The following ANKRD34B variants were observed in gnomAD, a reference collection of about 807,000 sequenced individuals.
ANKRD34B encodes ankyrin repeat domain 34B, also known as ankyrin repeat domain-containing protein 34B.
ANKRD34B carries 2 observed loss-of-function variants against 4.4 expected under a neutral mutation model. That is an observed-to-expected ratio of 0.46 (90% CI 0.19 to 1.44). The LOEUF (loss-of-function observed/expected upper bound fraction) is 1.44. Among genes scored for constraint, ANKRD34B ranks in the 40% most tolerant of loss-of-function variants. The pLI is 0.26. For missense variants in ANKRD34B, 558 were observed against 604.7 expected (o/e 0.92, Z 0.81); for synonymous variants, 226 against 227.1 (o/e 0.99, Z 0.05).
In ANKRD34B at chr5:80,567,621, C is replaced by CAAAAAAAAAAAAAAAAAAAA. The variant is rs111603222; in HGVS notation, c.-190-848_-190-847insTTTTTTTTTTTTTTTTTTTT. On this transcript the variant is annotated intron_variant, in intron 2 of 4. Transcript: ENST00000338682. ...GGGTGACAAAAGCAAGACTCCGTCT[C>CAAAAAAAAAAAAAAAAAAAA]AAAAAAAAAAAAAAAGAAAAGAAAA... Among the ~76,000 whole-genome samples the CAAAAAAAAAAAAAAAAAAAA allele has an allele frequency of 6.7e-3, 336 of 49,968 alleles. 3 individuals are homozygous for CAAAAAAAAAAAAAAAAAAAA. The highest frequency in any genetic ancestry group is 0.013 in the East Asian group (2 of 156). 32.8% of individuals were successfully genotyped at this position (49,968 alleles called of 152,430 possible). A position where few individuals can be genotyped will look rare whatever the true frequency, so the allele number is the denominator to read the frequency against.
intron 3 of ANKRD34B, among the ~76,000 whole-genome samples, chr5:80,565,902 C>T (rs1232161406): frequency 6.6e-6 from 1 of 152,106 alleles, no homozygotes; most frequent in East Asian, 1.9e-4. Flanking sequence ...ATCATTTCGA[C>T]ATTATTACAA....
rs757774393 is a variant in ANKRD34B at position 80,559,954 on chromosome 5, C to G, written c.66G>C (p.Arg22=). 9 of 1,613,608 alleles carry G rather than the reference C, an allele frequency of 5.6e-6. No individual in the cohort carries two copies. Among genetic ancestry groups the G allele is most frequent in the Admixed American group, 5.0e-5 (3 of 59,918 alleles). ...NSLIKAVHQS[R]LRLTRLLLEG... The stretch of plus-strand genomic sequence containing the variant: ...CTAGCAAAAGTCTTGTGAGGCGAAG[C>G]CGGCTCTGATGGACTGCTTTGATCA... The change falls in exon 5 of 5, where the codon CGG becomes CGC. Residue 22 remains arginine (R), a synonymous_variant. Coordinates refer to ENST00000338682, the MANE Select transcript of ANKRD34B (RefSeq NM_001004441.3).
intron 3 of ANKRD34B, chr5:80,564,349 G>T: frequency 6.6e-6 from 1 of 152,378 alleles, no homozygotes. Context: ...CTCCAGTAAA[G>T]GCCTTTCTCC....
chr5:80,557,977 ATTCT>A lies in ANKRD34B; in HGVS notation c.*494_*497del, dbSNP rs1162270301. ...GTCAACATTTGTAAAGAATTAGTTC[ATTCT>A]TTCTTTGTAGCTCGAGTTTTTTTAT... On this transcript the variant is annotated 3_prime_UTR_variant, in exon 5 of 5. Coordinates refer to ENST00000338682, the MANE Select transcript of ANKRD34B (RefSeq NM_001004441.3). 6.6e-5 allele frequency: 10 copies of A among 152,524 alleles called. No individual in the cohort carries two copies. Among genetic ancestry groups the A allele is most frequent in the African/African-American group, 2.2e-4 (9 of 41,558 alleles). The allele number at this position is 152,524 out of a possible 1,614,324, so 9.4% of individuals were successfully genotyped here.
chr5:80,565,787 G>A (rs1001506431), intron 3 of ANKRD34B, among the ~76,000 whole-genome samples: 3 of 151,948 alleles, frequency 2.0e-5, no homozygotes, highest in African/African-American at 4.9e-5. Flanking sequence ...ATATTTCTAA[G>A]ATGCTATGCT....
intron 4 of ANKRD34B, among the ~76,000 whole-genome samples, chr5:80,563,158 T>A (rs1036343709): frequency 2.6e-5 from 4 of 152,096 alleles, no homozygotes; most frequent in Non-Finnish European, 1.5e-5. Context: ...ACCTGAAAAA[T>A]TTTTTTAAAA....
chr5:80,557,406 G>A lies in ANKRD34B; in HGVS notation c.*1069C>T, dbSNP rs191711346. The A allele has an allele frequency of 5.9e-5, 9 of 152,010 alleles. No homozygotes were observed. Among genetic ancestry groups the A allele is most frequent in the African/African-American group, 2.2e-4 (9 of 41,504 alleles). The allele number at this position is 152,010 out of a possible 1,614,324, so 9.4% of individuals were successfully genotyped here. ...AATAACTACATATCAGAAATAAAAA[G>A]GCATTGTTTAATATTGCCAAATATT... On this transcript the variant is annotated 3_prime_UTR_variant, in exon 5 of 5. Coordinates refer to ENST00000338682, the MANE Select transcript of ANKRD34B (RefSeq NM_001004441.3).
intron 2 of ANKRD34B, among the ~76,000 whole-genome samples, chr5:80,567,621 C>CAAAAAAAAAAAAGAAAAAAAAAAA (rs1746610255): frequency 2.0e-5 from 1 of 50,560 alleles, no homozygotes; most frequent in Non-Finnish European, 3.9e-5. Flanking sequence ...GACTCCGTCT[C>CAAAAAAAAAAAAGAAAAAAAAAAA]AAAAAAAAAA....
chr5:80,565,620 GAAAT>G (rs1271487245), intron 3 of ANKRD34B, among the ~76,000 whole-genome samples: 1 of 152,232 alleles, frequency 6.6e-6, no homozygotes, highest in Non-Finnish European at 1.5e-5. Context: ...ACTGTCTAGA[GAAAT>G]ACTTTCTTGT....
chr5:80,562,879 AC>A (rs1226967223), intron 4 of ANKRD34B, among the ~76,000 whole-genome samples: 1 of 152,128 alleles, frequency 6.6e-6, no homozygotes, highest in African/African-American at 2.4e-5. Flanking sequence ...CAACCCTTTA[AC>A]CATGAGCAGC....
In ANKRD34B at chr5:80,570,195, C is replaced by T. The variant is rs1746718006; in HGVS notation, c.-380G>A. 1 of 152,376 alleles carries T rather than the reference C, an allele frequency of 6.6e-6. No individual in the cohort carries two copies. The highest frequency in any genetic ancestry group is 2.4e-5 in the African/African-American group (1 of 41,472). 9.4% of individuals were successfully genotyped at this position (152,376 alleles called of 1,614,324 possible). A position where few individuals can be genotyped will look rare whatever the true frequency, so the allele number is the denominator to read the frequency against. ...AGTTGGCGGCGGCGCTTTCAAACCT[C>T]TCTCCGGCACTGCCCGACCCTCTGT... On this transcript the variant is annotated 5_prime_UTR_variant, in exon 1 of 5. Coordinates refer to ENST00000338682, the MANE Select transcript of ANKRD34B (RefSeq NM_001004441.3).
At chr5:80,568,447 G>C (rs1746641114) in intron 2 of ANKRD34B, among the ~76,000 whole-genome samples, 1 of 152,204 alleles carries the variant, frequency 6.6e-6, no homozygotes, top group Admixed American at 6.5e-5. Flanking sequence ...CAGAGAAGAG[G>C]ACAGCCTTGA....
rs1746327240 is a variant in ANKRD34B at position 80,558,843 on chromosome 5, T to TA, written c.1176_1177insT (p.Lys393Ter). On this transcript the variant is annotated frameshift_variant, in exon 5 of 5. Coordinates refer to ENST00000338682, the MANE Select transcript of ANKRD34B (RefSeq NM_001004441.3). LOFTEE classifies it low-confidence loss of function (END_TRUNC). ...GGAGATGGTGAGAGGATCTTTTTCTTTCCTATAAGTGCTTTGCCGTCTTCT... is the reference window on the plus strand; with the variant it reads ...GGAGATGGTGAGAGGATCTTTTTCTTATCCTATAAGTGCTTTGCCGTCTTCT... The TA allele has an allele frequency of 3.1e-6, 5 of 1,613,830 alleles. No homozygotes were observed. Among genetic ancestry groups the TA allele is most frequent in the Non-Finnish European group, 4.2e-6 (5 of 1,180,008 alleles).
chr5:80,563,070 T>G (rs989913480), intron 4 of ANKRD34B, among the ~76,000 whole-genome samples: 4 of 152,206 alleles, frequency 2.6e-5, no homozygotes, highest in African/African-American at 9.6e-5. Flanking sequence ...CCTTTCTTTA[T>G]TCATCTAATT....
chr5:80,559,943 G>A lies in ANKRD34B; in HGVS notation c.77C>T (p.Thr26Ile). The A allele has an allele frequency of 6.2e-7, 1 of 1,614,050 alleles. No individual in the cohort carries two copies. Among genetic ancestry groups the A allele is most frequent in the Admixed American group, 1.7e-5 (1 of 60,004 alleles). The change falls in exon 5 of 5, where the codon ACA becomes ATA. Residue 26 changes from threonine to isoleucine, a missense_variant. Thr to Ile is a moderately conservative substitution (Grantham distance 89). Transcript: ENST00000338682. Reference protein sequence around the residue: ...KAVHQSRLRLTRLLLEGGAYI... With the variant: ...KAVHQSRLRLIRLLLEGGAYI... ...GGCACCGCCTTCTAGCAAAAGTCTTGTGAGGCGAAGCCGGCTCTGATGGAC... is the reference window on the plus strand; with the variant it reads ...GGCACCGCCTTCTAGCAAAAGTCTTATGAGGCGAAGCCGGCTCTGATGGAC...
At chr5:80,562,983 T>G (rs1746449765) in intron 4 of ANKRD34B, among the ~76,000 whole-genome samples, 1 of 151,980 alleles carries the variant, frequency 6.6e-6, no homozygotes, top group South Asian at 2.1e-4. Flanking sequence ...GGAAACATAT[T>G]AATCGGAAAA....
At chr5:80,560,587 G>A (rs1391110507) in intron 4 of ANKRD34B, among the ~76,000 whole-genome samples, 1 of 152,110 alleles carries the variant, frequency 6.6e-6, no homozygotes, top group African/African-American at 2.4e-5. Flanking sequence ...CTTGAGCCCA[G>A]GAGTTTGAGG....
rs757774214 is a variant in ANKRD34B at position 80,558,680 on chromosome 5, C to A, written c.1340G>T (p.Gly447Val). Residue 447 changes from glycine (G) to valine (V), a missense_variant, in exon 5 of 5, where the codon GGG becomes GTG. By Grantham distance (109) the Gly-to-Val change is moderately radical (BLOSUM62 -3). Coordinates refer to ENST00000338682, the MANE Select transcript of ANKRD34B (RefSeq NM_001004441.3). The part of the protein sequence containing the change: ...LDHSVTQTRQ[G>V]FLPPLNVNSH... ...ATTTACATTTAAGGGTGGGAGAAAC[C>A]CTTGTCTGGTTTGGGTAACACTGTG... 2.5e-6 allele frequency: 4 copies of A among 1,614,032 alleles called. No individual in the cohort carries two copies. Among genetic ancestry groups the A allele is most frequent in the Admixed American group, 3.3e-5 (2 of 60,012 alleles).
chr5:80,559,305 C>G lies in ANKRD34B; in HGVS notation c.715G>C (p.Gly239Arg). 1 of 1,614,050 alleles carries G rather than the reference C, an allele frequency of 6.2e-7. No individual in the cohort carries two copies. The change falls in exon 5 of 5, where the codon GGG becomes CGG. Residue 239 changes from glycine to arginine, a missense_variant. Gly to Arg is a moderately radical substitution (Grantham distance 125, BLOSUM62 -2). Coordinates refer to ENST00000338682, the MANE Select transcript of ANKRD34B (RefSeq NM_001004441.3). ...GGTGGAGCGTGGGGGAGCTTGGGCC[C>G]CTTAGGGGCCAATGCAGGTTTCCTC... is the stretch of plus-strand genomic sequence containing the variant. The part of the protein sequence containing the change: ...PVRKPALAPK[G>R]PKLPHAPPWV...
Sources: gnomAD v4.1 joint callset for allele counts (sites outside exome capture counted in the v4.1 genomes callset) on GRCh38, gnomAD v4.1.1 for gene constraint, MANE v1.5 for transcripts, NCBI Gene and HGNC (gene_info 2026-07-23, HGNC 2026-07-21) for gene names.